The following TNFAIP8 variants were observed in gnomAD, a reference collection of about 807,000 sequenced individuals.
TNFAIP8 encodes TNF alpha induced protein 8.
A neutral mutation model predicts 13.3 loss-of-function variants in TNFAIP8; 7 were observed. The observed-to-expected ratio is 0.52, with a 90% CI of 0.30 to 0.99. TNFAIP8 has a LOEUF of 0.99. Ranked by LOEUF, TNFAIP8 falls within the 50% of genes least tolerant of loss-of-function variation. The probability of loss-of-function intolerance (pLI) is 0.07; values close to 1 mark genes in which losing one functional copy is unlikely to be tolerated. For missense variants in TNFAIP8, 258 were observed against 236.9 expected (o/e 1.09, Z -0.58); for synonymous variants, 94 against 87.6 (o/e 1.07, Z -0.41).
chr5:119,293,745 A>G (rs1034927760), intron 1 of TNFAIP8, among the ~76,000 whole-genome samples: 1 of 152,196 alleles, frequency 6.6e-6, no homozygotes, highest in Non-Finnish European at 1.5e-5. Flanking sequence ...AGGGGTAGAG[A>G]GGTACAAATG....
chr5:119,278,376 AGTGTGTGTGTGTGTGTGT>A (rs71591297), intron 1 of TNFAIP8, among the ~76,000 whole-genome samples: 3 of 108,190 alleles, frequency 2.8e-5, no homozygotes, highest in Non-Finnish European at 5.6e-5. Context: ...AGAGAGAGAG[AGTGTGTGTGTGTGTGTGT>A]GTGTGTGTGT....
chr5:119,282,590 C>T (rs1748664682), intron 1 of TNFAIP8, among the ~76,000 whole-genome samples: 1 of 152,238 alleles, frequency 6.6e-6, no homozygotes, highest in Non-Finnish European at 1.5e-5. Flanking sequence ...GAGTGTCTGA[C>T]TCCACAGTAA....
At chr5:119,277,354 G>A (rs373765330) in intron 1 of TNFAIP8, among the ~76,000 whole-genome samples, 2 of 152,114 alleles carry the variant, frequency 1.3e-5, no homozygotes, top group Non-Finnish European at 2.9e-5. Flanking sequence ...CATTTACTGT[G>A]TGTGGGGCTT....
chr5:119,286,585 G>A (rs1235569120), intron 1 of TNFAIP8, among the ~76,000 whole-genome samples: 1 of 149,462 alleles, frequency 6.7e-6, no homozygotes. Flanking sequence ...ATGAGCCCCT[G>A]TGCTCCAGCC....
In TNFAIP8 at chr5:119,281,306, A is replaced by ACACACACACACACACACACACTCTCTCT; in HGVS notation, c.1+12400_1+12401insACACACACACACACACACACTCTCTCTC. Reference sequence around the variant, plus strand: ...CACACATACACACACACACACACACACTCTCTCTCTCTCACACTTACATGC... The same window carrying ACACACACACACACACACACACTCTCTCT: ...CACACATACACACACACACACACACACACACACACACACACACACACTCTCTCTCTCTCTCTCTCTCACACTTACATGC... On this transcript the variant is annotated intron_variant, in intron 1 of 1. Transcript: ENST00000274456. Among the ~76,000 whole-genome samples the ACACACACACACACACACACACTCTCTCT allele has an allele frequency of 2.7e-3, 308 of 114,190 alleles. 5 individuals carry two copies. The highest frequency in any genetic ancestry group is 0.018 in the Middle Eastern group (4 of 222). 74.9% of individuals were successfully genotyped at this position (114,190 alleles called of 152,430 possible). A position where few individuals can be genotyped will look rare whatever the true frequency, so the allele number is the denominator to read the frequency against.
chr5:119,279,558 TA>T (rs1412887065), intron 1 of TNFAIP8, among the ~76,000 whole-genome samples: 2 of 152,188 alleles, frequency 1.3e-5, no homozygotes, highest in Non-Finnish European at 2.9e-5. Flanking sequence ...TTTGTTATTT[TA>T]TTTTTTTTAT....
At chr5:119,341,807 A>C (rs1210767196) in intron 1 of TNFAIP8, among the ~76,000 whole-genome samples, 4 of 152,210 alleles carry the variant, frequency 2.6e-5, no homozygotes, top group Non-Finnish European at 4.4e-5. Context: ...ATTTAAAAAA[A>C]TTTGCATCAC....
At chr5:119,294,059 A>G (rs966788542) in intron 1 of TNFAIP8, among the ~76,000 whole-genome samples, 1 of 151,392 alleles carries the variant, frequency 6.6e-6, no homozygotes, top group Non-Finnish European at 1.5e-5. Context: ...TTTAAATTTT[A>G]TTATACTTTA....
intron 1 of TNFAIP8, among the ~76,000 whole-genome samples, chr5:119,282,206 G>C (rs1377600951): frequency 6.6e-6 from 1 of 152,152 alleles, no homozygotes; most frequent in Non-Finnish European, 1.5e-5. Context: ...TTCTGCTCTT[G>C]ACCCAGAATA....
In TNFAIP8 at chr5:119,333,375, A is replaced by G. The variant is rs1286552106; in HGVS notation, c.2-59441A>G. On this transcript the variant is annotated intron_variant, in intron 1 of 1. Transcript: ENST00000274456. ...TAGCTCCCAGAATAACAAGCAAGAC[A>G]ACTTTCAAAGTGACTGTAGTTGACC... 3.8e-6 allele frequency: 5 copies of G among 1,317,370 alleles called. No homozygotes were observed. In the African/African-American group the frequency reaches 7.5e-5, roughly 20 times the overall value. 81.6% of individuals were successfully genotyped at this position (1,317,370 alleles called of 1,614,324 possible). A position where few individuals can be genotyped will look rare whatever the true frequency, so the allele number is the denominator to read the frequency against.
rs1260643468 is a variant in TNFAIP8, at chr5:119,395,986, C to T, written c.*2605C>T. ...AGTGGATGATAATACTAATGGACAACTAACGCAGAGTAGTTTGTATTATGT... is the reference window on the plus strand; with the variant it reads ...AGTGGATGATAATACTAATGGACAATTAACGCAGAGTAGTTTGTATTATGT... On this transcript the variant is annotated 3_prime_UTR_variant, in exon 2 of 2. Transcript: ENST00000504771. 6.6e-6 allele frequency: 1 copy of T among 152,144 alleles called. No homozygotes were observed. Among genetic ancestry groups the T allele is most frequent in the Non-Finnish European group, 1.5e-5 (1 of 68,030 alleles). The allele number at this position is 152,144 out of a possible 1,614,324, so 9.4% of individuals were successfully genotyped here. A position where few individuals can be genotyped will look rare whatever the true frequency, so the allele number is the denominator to read the frequency against.
intron 1 of TNFAIP8, among the ~76,000 whole-genome samples, chr5:119,292,284 TG>T (rs1032574768): frequency 4.3e-4 from 63 of 148,130 alleles, no homozygotes; most frequent in African/African-American, 1.4e-3. Flanking sequence ...GGAGTGTTTC[TG>T]GGAGGAGCAG....
chr5:119,296,808 G>A (rs1397465430), intron 1 of TNFAIP8, among the ~76,000 whole-genome samples: 16 of 152,012 alleles, frequency 1.1e-4, no homozygotes. Context: ...TTCAGAGCCT[G>A]TTATTGGTCT....
intron 1 of TNFAIP8, chr5:119,333,730 GA>G: frequency 9.8e-7 from 1 of 1,023,648 alleles, no homozygotes; most frequent in Admixed American, 2.1e-5. Flanking sequence ...TGTCTTCAAG[GA>G]AATAATGTTT....
chr5:119,355,162 G>C (rs1165702094), upstream of TNFAIP8: 1 of 630,034 alleles, frequency 1.6e-6, no homozygotes, highest in Non-Finnish European at 2.9e-6. Flanking sequence ...AAGGCTGTCC[G>C]GCTTCTTTAT....
chr5:119,278,193 A>G (rs1748515041), intron 1 of TNFAIP8, among the ~76,000 whole-genome samples: 1 of 152,116 alleles, frequency 6.6e-6, no homozygotes, highest in South Asian at 2.1e-4. Context: ...TCAGGATTGG[A>G]TCCTTGGCTA....
intron 1 of TNFAIP8, among the ~76,000 whole-genome samples, chr5:119,387,471 G>T (rs1313995749): frequency 6.6e-6 from 1 of 152,104 alleles, no homozygotes; most frequent in African/African-American, 2.4e-5. Context: ...TAATAGATTT[G>T]AGGGGAAAAA....
intron 1 of TNFAIP8, among the ~76,000 whole-genome samples, chr5:119,281,452 C>G (rs988154407): frequency 1.3e-5 from 2 of 152,090 alleles, no homozygotes; most frequent in African/African-American, 4.8e-5. Flanking sequence ...TATTCCTTTT[C>G]TTCCACACTT....
chr5:119,391,786 A>G (rs1369759657), intron 1 of TNFAIP8, among the ~76,000 whole-genome samples: 1 of 151,264 alleles, frequency 6.6e-6, no homozygotes, highest in Admixed American at 6.6e-5. Flanking sequence ...AAAGATTGCT[A>G]CATGCATGGA....
Sources: gnomAD v4.1 joint callset for allele counts (sites outside exome capture counted in the v4.1 genomes callset) on GRCh38, gnomAD v4.1.1 for gene constraint, MANE v1.5 for transcripts, NCBI Gene and HGNC (gene_info 2026-07-23, HGNC 2026-07-21) for gene names.